The following AGPAT5 variants were observed in gnomAD, a reference collection of about 807,000 sequenced individuals.
AGPAT5 encodes 1-acylglycerol-3-phosphate O-acyltransferase 5.
A neutral mutation model predicts 45.6 loss-of-function variants in AGPAT5; 46 were observed. That is an observed-to-expected ratio of 1.01 (90% confidence interval 0.80 to 1.29). AGPAT5 has a LOEUF of 1.29. Among genes scored for constraint, AGPAT5 ranks in the 50% most tolerant of loss-of-function variants. The pLI, the probability that AGPAT5 is intolerant of heterozygous loss-of-function variation, is 0.00. For missense variants in AGPAT5, 673 were observed against 450.7 expected (o/e 1.49, Z -4.47); for synonymous variants, 272 against 167.0 (o/e 1.63, Z -4.85).
intron 5 of AGPAT5, among the ~76,000 whole-genome samples, chr8:6,743,470 G>C (rs1349283047): frequency 1.3e-5 from 2 of 151,964 alleles, no homozygotes; most frequent in Admixed American, 6.6e-5. Context: ...TTCTTGTCTT[G>C]GTAACTCCAT....
intron 6 of AGPAT5, 58 bp downstream of exon 6, chr8:6,747,886 A>T: frequency 6.7e-7 from 1 of 1,496,360 alleles, no homozygotes; most frequent in South Asian, 1.4e-5. Flanking sequence ...GCACATGTTT[A>T]TGTAGAATTC....
intron 6 of AGPAT5, among the ~76,000 whole-genome samples, chr8:6,750,599 A>G (rs1335425262): frequency 6.6e-6 from 1 of 152,248 alleles, no homozygotes; most frequent in Non-Finnish European, 1.5e-5. Flanking sequence ...CGTAAAGTGC[A>G]CTTACAAATT....
At position 6,713,827 on chromosome 8, in the gene AGPAT5, C is replaced by G. The variant is rs118003611; in HGVS notation, c.219+4940C>G. On this transcript the variant is annotated intron_variant, in intron 1 of 7. Transcript: ENST00000285518. The stretch of plus-strand genomic sequence containing the variant: ...AGTGATCCGTCCTTGATCCACCATG[C>G]TTAGCTGATTCATACTCTTAACTGA... Among the ~76,000 whole-genome samples the G allele has an allele frequency of 8.9e-4, 135 of 152,268 alleles. No individual in the cohort carries two copies. The East Asian group carries it at 0.024, about 27-fold the overall frequency.
chr8:6,751,141 TTTAAA>T (rs1801643581), intron 6 of AGPAT5, among the ~76,000 whole-genome samples: 1 of 152,220 alleles, frequency 6.6e-6, no homozygotes, highest in Admixed American at 6.5e-5. Flanking sequence ...TAAGAGTCAC[TTTAAA>T]TTATATGACA....
intron 4 of AGPAT5, among the ~76,000 whole-genome samples, chr8:6,740,224 A>C (rs1801201248): frequency 6.6e-6 from 1 of 152,082 alleles, no homozygotes; most frequent in Non-Finnish European, 1.5e-5. Flanking sequence ...TAAATGACTG[A>C]GTTGAAAGCT....
Position 6,732,633 on chromosome 8 carries a change from G to C in AGPAT5, c.478G>C (p.Val160Leu). ...KEMRNKLQSY[V>L]DAGTPMYLVI... ...GATGCGAAACAAGTTGCAGAGCTAC[G>C]TGGACGCAGGAACTCCAGTAAGAGC... is the stretch of plus-strand genomic sequence containing the variant. Residue 160 changes from valine (V) to leucine (L), a missense_variant, in exon 4 of 8, where the codon GTG (valine) becomes CTG (leucine). Coordinates refer to ENST00000285518, the MANE Select transcript of AGPAT5 (RefSeq NM_018361.5). 1.2e-6 allele frequency: 2 copies of C among 1,610,206 alleles called. No homozygotes were observed. Among genetic ancestry groups the C allele is most frequent in the Non-Finnish European group, 1.7e-6 (2 of 1,178,900 alleles).
chr8:6,730,667 G>A, intron 2 of AGPAT5, 44 bp from the exon 3 acceptor site: 1 of 1,341,810 alleles, frequency 7.5e-7, no homozygotes, highest in Non-Finnish European at 1.1e-6. Flanking sequence ...AGTACAACCT[G>A]TGAAGAGCCT....
intron 1 of AGPAT5, chr8:6,709,576 AG>A (rs5889183): frequency 7.0e-6 from 1 of 142,450 alleles, no homozygotes. Context: ...AAAAAAAAAA[AG>A]GTGAATTTTT....
chr8:6,757,352 C>A lies in AGPAT5; in HGVS notation c.1059C>A (p.Thr353=). The A allele has an allele frequency of 6.2e-7, 1 of 1,614,142 alleles. No individual in the cohort carries two copies. The highest frequency in any genetic ancestry group is 8.5e-7 in the Non-Finnish European group (1 of 1,180,020). Residue 353 remains threonine (T), a synonymous_variant, in exon 8 of 8, where the codon ACC becomes ACA. Coordinates refer to ENST00000285518, the MANE Select transcript of AGPAT5 (RefSeq NM_018361.5). The part of the protein sequence containing the change: ...KLYVNTWIYG[T]LLGCLWVTIK... ...ATGTGAACACCTGGATATATGGAAC[C>A]CTACTTGGCTGCCTGTGGGTTACTA...
intron 1 of AGPAT5, among the ~76,000 whole-genome samples, chr8:6,715,110 G>A (rs1425788): frequency 0.77 from 116,928 of 152,044 alleles, 45,594 homozygotes; most frequent in East Asian, 0.94. Flanking sequence ...GTACCAAGGG[G>A]TACAATGTTT....
chr8:6,741,748 C>G lies in AGPAT5; in HGVS notation c.583C>G (p.Arg195Gly). Residue 195 changes from arginine (R) to glycine (G), a missense_variant, in exon 5 of 8, where the codon CGT (arginine) becomes GGT (glycine). Arg to Gly is a moderately radical substitution (Grantham distance 125). Coordinates refer to ENST00000285518, the MANE Select transcript of AGPAT5 (RefSeq NM_018361.5). ...AGCTAGTCAGGCATTTGCTGCCCAA[C>G]GTGGTAAGTAAAAATTTGAGTGTTT... ...LSASQAFAAQ[R>G]GLAVLKHVLT... The G allele has an allele frequency of 6.2e-7, 1 of 1,608,800 alleles. No individual in the cohort carries two copies. The highest frequency in any genetic ancestry group is 8.5e-7 in the Non-Finnish European group (1 of 1,176,448).
chr8:6,731,266 C>T (rs1003754841), intron 3 of AGPAT5, among the ~76,000 whole-genome samples: 1 of 152,092 alleles, frequency 6.6e-6, no homozygotes, highest in African/African-American at 2.4e-5. Flanking sequence ...TTTTGTTTGG[C>T]ATTTTTAGTG....
At chr8:6,741,075 ATAT>A (rs1801231571) in intron 4 of AGPAT5, among the ~76,000 whole-genome samples, 1 of 152,158 alleles carries the variant, frequency 6.6e-6, no homozygotes, top group African/African-American at 2.4e-5. Context: ...ATTCTTCTTT[ATAT>A]TATTTTAGTT....
chr8:6,749,469 T>C (rs1434112456), intron 6 of AGPAT5, among the ~76,000 whole-genome samples: 1 of 152,238 alleles, frequency 6.6e-6, no homozygotes, highest in Non-Finnish European at 1.5e-5. Context: ...GTTTAAAAAT[T>C]AAAACTGTAC....
chr8:6,747,620 T>C, intron 5 of AGPAT5, 50 bp from the exon 6 acceptor site: 4 of 1,527,502 alleles, frequency 2.6e-6, no homozygotes, highest in Non-Finnish European at 2.7e-6. Flanking sequence ...AACAGTATAT[T>C]GTGGAGGTGT....
intron 2 of AGPAT5, among the ~76,000 whole-genome samples, chr8:6,726,816 C>G (rs555801721): frequency 5.0e-4 from 76 of 152,312 alleles, no homozygotes; most frequent in African/African-American, 1.8e-3. Flanking sequence ...GCACCACATC[C>G]TCATCCCAGC....
chr8:6,709,806 C>G (rs914258987), intron 1 of AGPAT5, among the ~76,000 whole-genome samples: 1 of 152,142 alleles, frequency 6.6e-6, no homozygotes, highest in South Asian at 2.1e-4. Flanking sequence ...GCTGATCGAC[C>G]CTTGATGGCC....
At chr8:6,738,868 G>A (rs1404550396) in intron 4 of AGPAT5, among the ~76,000 whole-genome samples, 1 of 151,166 alleles carries the variant, frequency 6.6e-6, no homozygotes, top group Non-Finnish European at 1.5e-5. Flanking sequence ...TCCACTTTTT[G>A]TATCCTATTT....
chr8:6,741,560 G>C, intron 4 of AGPAT5, 101 bp from the exon 5 acceptor site: 1 of 742,608 alleles, frequency 1.3e-6, no homozygotes, highest in Non-Finnish European at 2.2e-6. Flanking sequence ...TCCTACTGTA[G>C]GAAATACTCT....
Sources: gnomAD v4.1 joint callset for allele counts (sites outside exome capture counted in the v4.1 genomes callset) on GRCh38, gnomAD v4.1.1 for gene constraint, MANE v1.5 for transcripts, NCBI Gene and HGNC (gene_info 2026-07-23, HGNC 2026-07-21) for gene names.